Variants in EPHA6 observed in about 807,000 individuals in gnomAD.
The protein encoded by EPHA6 is EPH receptor A6, also known as ephrin type-A receptor 6.
EPHA6 carries 50 observed loss-of-function variants against 112.0 expected under a neutral mutation model. The observed-to-expected ratio is 0.45, with a 90% CI of 0.36 to 0.56. The LOEUF (loss-of-function observed/expected upper bound fraction) is 0.56. EPHA6 is among the 20% of genes least tolerant of loss of function. EPHA6 has a pLI of 0.00. For synonymous variants in EPHA6, 529 were observed against 490.7 expected, an observed-to-expected ratio of 1.08 and a Z score of -1.03; for missense variants, 1,280 against 1,417.4, an observed-to-expected ratio of 0.90 and a Z score of 1.56.
At chr3:97,697,002 G>GTATT (rs2033087175) in intron 14 of EPHA6, among the ~76,000 whole-genome samples, 2 of 152,262 alleles carry the variant, frequency 1.3e-5, no homozygotes, top group Admixed American at 1.3e-4. Context: ...ATTAGAACAG[G>GTATT]TATTAATCAG....
chr3:97,546,490 C>T (rs1480753643), intron 11 of EPHA6, among the ~76,000 whole-genome samples: 1 of 152,108 alleles, frequency 6.6e-6, no homozygotes, highest in African/African-American at 2.4e-5. Flanking sequence ...CTCTGGCTGC[C>T]CTTAACATTT....
chr3:96,891,670 C>G (rs972616961), intron 2 of EPHA6, among the ~76,000 whole-genome samples: 1 of 152,172 alleles, frequency 6.6e-6, no homozygotes, highest in Non-Finnish European at 1.5e-5. Flanking sequence ...GATCGCACCA[C>G]TGCACTCCAG....
chr3:97,601,414 G>A (rs536951856), intron 12 of EPHA6, among the ~76,000 whole-genome samples: 11 of 152,184 alleles, frequency 7.2e-5, no homozygotes, highest in East Asian at 5.8e-4. Context: ...ATGTTGAGCC[G>A]CACAGGATAG....
chr3:97,017,139 C>A (rs1315718136), intron 3 of EPHA6, among the ~76,000 whole-genome samples: 1 of 152,058 alleles, frequency 6.6e-6, no homozygotes, highest in Non-Finnish European at 1.5e-5. Context: ...TCATAAGAAC[C>A]AAAAATCAGG....
intron 5 of EPHA6, among the ~76,000 whole-genome samples, chr3:97,282,938 A>G (rs2080337786): frequency 6.6e-6 from 1 of 152,090 alleles, no homozygotes; most frequent in South Asian, 2.1e-4. Context: ...CATGACACAC[A>G]TTTACCTGTG....
At chr3:97,335,560 A>T (rs1370916791) in intron 5 of EPHA6, among the ~76,000 whole-genome samples, 2 of 152,068 alleles carry the variant, frequency 1.3e-5, no homozygotes, top group East Asian at 1.9e-4. Flanking sequence ...CCTTTATGGC[A>T]CTATTGGCTT....
At chr3:97,445,905 C>T (rs988677189) in intron 6 of EPHA6, among the ~76,000 whole-genome samples, 7 of 152,102 alleles carry the variant, frequency 4.6e-5, no homozygotes, top group African/African-American at 1.7e-4. Context: ...TGTCATACAG[C>T]TAGCAATGCC....
chr3:97,558,484 C>T (rs776152818), intron 11 of EPHA6, among the ~76,000 whole-genome samples: 1 of 151,986 alleles, frequency 6.6e-6, no homozygotes, highest in Non-Finnish European at 1.5e-5. Context: ...ATGGTTATTT[C>T]CTATCTCTCC....
intron 5 of EPHA6, among the ~76,000 whole-genome samples, chr3:97,342,278 A>G (rs751536601): frequency 7.2e-5 from 11 of 152,344 alleles, no homozygotes; most frequent in Non-Finnish European, 8.8e-5. Context: ...AATCATTTAT[A>G]TACAGTAAAG....
At chr3:97,489,209 C>A (rs1307701183) in intron 10 of EPHA6, among the ~76,000 whole-genome samples, 1 of 152,182 alleles carries the variant, frequency 6.6e-6, no homozygotes, top group Non-Finnish European at 1.5e-5. Flanking sequence ...TATTGCCCAA[C>A]CCTCAATATA....
intron 1 of EPHA6, among the ~76,000 whole-genome samples, chr3:96,851,460 G>C (rs1339436776): frequency 6.6e-6 from 1 of 152,104 alleles, no homozygotes; most frequent in Non-Finnish European, 1.5e-5. Context: ...TGGACTCTTA[G>C]AATAGCTTTC....
intron 3 of EPHA6, among the ~76,000 whole-genome samples, chr3:96,996,587 A>G (rs1042608251): frequency 6.6e-6 from 1 of 152,096 alleles, no homozygotes; most frequent in Non-Finnish European, 1.5e-5. Context: ...TCTCCATCAG[A>G]GCTTTTAGGT....
chr3:97,022,764 C>A (rs1169754246), intron 3 of EPHA6, among the ~76,000 whole-genome samples: 1 of 152,168 alleles, frequency 6.6e-6, no homozygotes, highest in Non-Finnish European at 1.5e-5. Context: ...TGTTCCACTT[C>A]TTGGGTCACT....
intron 3 of EPHA6, among the ~76,000 whole-genome samples, chr3:97,092,114 AAATT>A (rs1240556639): frequency 4.0e-5 from 6 of 151,818 alleles, no homozygotes; most frequent in Non-Finnish European, 7.4e-5. Flanking sequence ...AAAAAGCAAA[AAATT>A]AACATATTAT....
intron 3 of EPHA6, among the ~76,000 whole-genome samples, chr3:97,188,679 T>A (rs1414129538): frequency 6.6e-6 from 1 of 151,978 alleles, no homozygotes; most frequent in African/African-American, 2.4e-5. Context: ...TAAGTAATGG[T>A]AAATTTGTAC....
chr3:96,877,043 G>T (rs2037002760), intron 2 of EPHA6, among the ~76,000 whole-genome samples: 1 of 152,072 alleles, frequency 6.6e-6, no homozygotes, highest in Non-Finnish European at 1.5e-5. Context: ...CTATATGAGG[G>T]ATGCTCAATA....
intron 11 of EPHA6, among the ~76,000 whole-genome samples, chr3:97,583,639 A>C (rs962846265): frequency 6.6e-6 from 1 of 152,208 alleles, no homozygotes; most frequent in Admixed American, 6.5e-5. Context: ...GAAATCAAAG[A>C]ACCAAATAAA....
At chr3:97,584,034 TG>T (rs1329061083) in intron 11 of EPHA6, among the ~76,000 whole-genome samples, 1 of 152,200 alleles carries the variant, frequency 6.6e-6, no homozygotes, top group Non-Finnish European at 1.5e-5. Context: ...GCATATAAAG[TG>T]GAAAGTTCTC....
intron 1 of EPHA6, among the ~76,000 whole-genome samples, chr3:96,831,296 G>T (rs1036647045): frequency 6.6e-6 from 1 of 152,034 alleles, no homozygotes; most frequent in Admixed American, 6.6e-5. Flanking sequence ...TGATTAATGA[G>T]CAGTAATGAA....
Sources: gnomAD v4.1 joint callset for allele counts (sites outside exome capture counted in the v4.1 genomes callset) on GRCh38, gnomAD v4.1.1 for gene constraint, MANE v1.5 for transcripts, NCBI Gene and HGNC (gene_info 2026-07-23, HGNC 2026-07-21) for gene names.